INTS1: variants seen among roughly 807,000 people sequenced by gnomAD.
The protein encoded by INTS1 is integrator complex subunit 1.
In INTS1, 137 loss-of-function variants were observed where a neutral mutation model predicts 241.6. The observed-to-expected ratio is 0.57, with a 90% CI of 0.49 to 0.65. The LOEUF (loss-of-function observed/expected upper bound fraction) is 0.65. Among genes scored for constraint, INTS1 ranks in the 30% least tolerant of loss-of-function variants. INTS1 has a pLI of 0.00. For missense variants in INTS1, 3,073 were observed against 3,032.2 expected (o/e 1.01, Z -0.32); for synonymous variants, 1,692 against 1,337.8 (o/e 1.26, Z -5.78).
At chr7:1,491,704 C>T (rs2128541143) in intron 16 of INTS1, among the ~76,000 whole-genome samples, 1 of 152,260 alleles carries the variant, frequency 6.6e-6, no homozygotes, top group East Asian at 1.9e-4. Context: ...GGTTTGAAAA[C>T]AGCCTGGGCA....
chr7:1,481,445 C>T lies in INTS1; in HGVS notation c.3747G>A (p.Gln1249=), dbSNP rs373826755. The T allele has an allele frequency of 2.0e-4, 315 of 1,611,940 alleles. No individual in the cohort carries two copies. The highest frequency in any genetic ancestry group is 2.5e-4 in the Non-Finnish European group (297 of 1,179,256). ...LEPQQLLLFV[Q]SFGIPVSSMS... ...TGCTGGACACGGGGATGCCAAACGA[C>T]TGCACGAACAGCAGCAGCTGCTGCG... The change falls in exon 28 of 48, where the codon CAG becomes CAA. Residue 1249 remains glutamine (Q), a synonymous_variant. Transcript: ENST00000404767. This position sits in a 1 kb window ranked among gnomAD's most constrained non-coding sequence, Gnocchi z 6.8.
chr7:1,496,639 A>G (rs896229836), intron 11 of INTS1, among the ~76,000 whole-genome samples: 3 of 152,148 alleles, frequency 2.0e-5, no homozygotes, highest in Non-Finnish European at 4.4e-5. Flanking sequence ...GGTGGCCCAC[A>G]AGGTCCTAGT....
At chr7:1,492,104 C>T (rs1286318289) in intron 16 of INTS1, among the ~76,000 whole-genome samples, 2 of 152,112 alleles carry the variant, frequency 1.3e-5, no homozygotes, top group Admixed American at 6.6e-5. Flanking sequence ...CAGTTAAACA[C>T]GTGGCCCAGC....
intron 46 of INTS1, 32 bp downstream of exon 46, chr7:1,471,101 G>A (rs1455576932): frequency 7.1e-6 from 11 of 1,543,246 alleles, no homozygotes; most frequent in Non-Finnish European, 9.6e-6. Flanking sequence ...GCCCAGCGGT[G>A]GCGGCGGGAC....
Position 1,493,193 on chromosome 7 carries a change from C to T in INTS1, c.2069-87G>A, listed in dbSNP as rs1473823379. The T allele has an allele frequency of 6.5e-6, 4 of 611,534 alleles. No homozygotes were observed. The highest frequency in any genetic ancestry group is 6.5e-5 in the East Asian group (1 of 15,486). 37.9% of individuals were successfully genotyped at this position (611,534 alleles called of 1,614,324 possible). A position where few individuals can be genotyped will look rare whatever the true frequency, so the allele number is the denominator to read the frequency against. ...GAGGGAACCGGCCCTGCTCGGGCCG[C>T]GTCGGGGTGGGGTGGGGGATGCCGC... is the stretch of plus-strand genomic sequence containing the variant. On this transcript the variant is annotated intron_variant, in intron 15 of 47. Coordinates refer to ENST00000404767, the MANE Select transcript of INTS1 (RefSeq NM_001080453.3). The surrounding 1 kb of genome is among the most constrained non-coding windows in gnomAD (Gnocchi z 5.3).
intron 29 of INTS1, 78 bp from the exon 30 acceptor site, chr7:1,480,519 C>G (rs1781944233): frequency 1.3e-6 from 2 of 1,493,644 alleles, no homozygotes; most frequent in Admixed American, 2.1e-5. Context: ...CAAGCCATGG[C>G]GAGTCCTGCC....
chr7:1,498,201 C>T (rs2128543729), intron 10 of INTS1: 1 of 714,174 alleles, frequency 1.4e-6, no homozygotes, highest in Non-Finnish European at 2.3e-6. Flanking sequence ...GTGTCAGTTT[C>T]TGAGAAAGAC....
At chr7:1,484,725 C>A (rs1211056332) in intron 24 of INTS1, among the ~76,000 whole-genome samples, 1 of 152,208 alleles carries the variant, frequency 6.6e-6, no homozygotes, top group Non-Finnish European at 1.5e-5. Flanking sequence ...CACCCTCACC[C>A]CCGTGGCTTC....
intron 18 of INTS1, among the ~76,000 whole-genome samples, chr7:1,488,729 G>C (rs1465425875): frequency 6.6e-6 from 1 of 152,172 alleles, no homozygotes; most frequent in Non-Finnish European, 1.5e-5. Context: ...CCTTGGTGTG[G>C]TGCCCTCACT....
chr7:1,486,799 G>A (rs762244625), intron 21 of INTS1, 25 bp from the exon 22 acceptor site: 5 of 1,609,888 alleles, frequency 3.1e-6, no homozygotes, highest in Non-Finnish European at 4.2e-6. Context: ...GGGCTCTCAG[G>A]GGTGCAGGTG....
intron 13 of INTS1, 101 bp downstream of exon 13, chr7:1,495,332 G>C: frequency 5.7e-6 from 8 of 1,412,310 alleles, no homozygotes; most frequent in Non-Finnish European, 7.6e-6. Context: ...GGCCTGGCTT[G>C]TCCTGGCTCA....
chr7:1,474,851 G>T lies in INTS1; in HGVS notation c.5503-13C>A, dbSNP rs1234499225. 6 of 1,575,134 alleles carry T rather than the reference G, an allele frequency of 3.8e-6. No individual in the cohort carries two copies. The African/African-American group carries it at 6.8e-5, about 18-fold the overall frequency. On this transcript the variant is annotated splice_polypyrimidine_tract_variant and intron_variant, in intron 39 of 47. Coordinates refer to ENST00000404767, the MANE Select transcript of INTS1 (RefSeq NM_001080453.3). Reference sequence around the variant, plus strand: ...TGAGTCCGTCCAGCTGCAGGGAGGGGCGCTCTGAGGCCGGGGCCGCTGGCT... The same window carrying T: ...TGAGTCCGTCCAGCTGCAGGGAGGGTCGCTCTGAGGCCGGGGCCGCTGGCT...
chr7:1,473,076 G>T lies in INTS1; in HGVS notation c.6066C>A (p.Gly2022=). The change falls in exon 43 of 48, where the codon GGC becomes GGA. Residue 2022 remains glycine (G), a synonymous_variant. Coordinates refer to ENST00000404767, the MANE Select transcript of INTS1 (RefSeq NM_001080453.3). ...GCCCCTGGCAGCCCCACTCACCCTC[G>T]CCCTCTTCGTCCAGGCCTCGGTCGG... The part of the protein sequence containing the change: ...DRTDRGLDEE[G]EEESSAGSLP... 1 of 1,599,436 alleles carries T rather than the reference G, an allele frequency of 6.3e-7. No individual in the cohort carries two copies. The highest frequency in any genetic ancestry group is 8.5e-7 in the Non-Finnish European group (1 of 1,170,610).
At chr7:1,488,492 C>T (rs1782387725) in intron 18 of INTS1, among the ~76,000 whole-genome samples, 1 of 152,126 alleles carries the variant, frequency 6.6e-6, no homozygotes, top group South Asian at 2.1e-4. Context: ...GTGCCTCCCA[C>T]CTCAGGACAC....
chr7:1,503,801 G>T (rs974190881), intron 2 of INTS1, 102 bp downstream of exon 2: 12 of 844,324 alleles, frequency 1.4e-5, no homozygotes, highest in Non-Finnish European at 2.2e-5. Flanking sequence ...CGCGGCTGCG[G>T]AACAACCAAG....
intron 46 of INTS1, 71 bp downstream of exon 46, chr7:1,471,062 C>T (rs1402372593): frequency 1.8e-5 from 28 of 1,518,844 alleles, no homozygotes; most frequent in Admixed American, 1.6e-4. Context: ...GGCCACCAGG[C>T]GGGTCAAGCG....
chr7:1,503,868 G>A (rs1583172553), intron 2 of INTS1, 35 bp downstream of exon 2: 2 of 1,509,070 alleles, frequency 1.3e-6, no homozygotes, highest in African/African-American at 1.4e-5. Flanking sequence ...GACCCCCAAA[G>A]ACCCCCGGGC....
chr7:1,502,422 C>T (rs1198027283), intron 3 of INTS1, among the ~76,000 whole-genome samples: 1 of 152,168 alleles, frequency 6.6e-6, no homozygotes, highest in African/African-American at 2.4e-5. Flanking sequence ...CGTTGATGTC[C>T]TTACTGTTCT....
In INTS1 at chr7:1,487,319, C is replaced by A; in HGVS notation, c.2646+1G>T. On this transcript the variant is annotated splice_donor_variant, in intron 20 of 47. Coordinates refer to ENST00000404767, the MANE Select transcript of INTS1 (RefSeq NM_001080453.3). LOFTEE classifies it high-confidence loss of function. ...CTACCTCCTGGAGCCTCGGCACTCA[C>A]CTGCCGCTGGATGATGTGGAGGAGA... The A allele has an allele frequency of 6.3e-7, 1 of 1,591,940 alleles. No individual in the cohort carries two copies. The highest frequency in any genetic ancestry group is 8.5e-7 in the Non-Finnish European group (1 of 1,169,648).
Sources: gnomAD v4.1 joint callset for allele counts (sites outside exome capture counted in the v4.1 genomes callset) on GRCh38, gnomAD v4.1.1 for gene constraint, Gnocchi (gnomAD v3.1) non-coding constraint, MANE v1.5 for transcripts, NCBI Gene and HGNC (gene_info 2026-07-23, HGNC 2026-07-21) for gene names.